Variants in SLC4A10 observed in about 807,000 individuals in gnomAD.
The protein encoded by SLC4A10 is sodium-driven chloride bicarbonate exchanger.
In SLC4A10, 42 loss-of-function variants were observed where a neutral mutation model predicts 137.7. The observed-to-expected ratio is 0.30, with a 90% CI of 0.24 to 0.39. The LOEUF is 0.39. Among genes scored for constraint, SLC4A10 ranks in the 10% least tolerant of loss-of-function variants. The pLI, the probability that SLC4A10 is intolerant of heterozygous loss-of-function variation, is 1.00. For synonymous variants in SLC4A10, 474 were observed against 464.1 expected (o/e 1.02, Z -0.27); for missense variants, 925 against 1,355.0 (o/e 0.68, Z 4.98).
intron 1 of SLC4A10, among the ~76,000 whole-genome samples, chr2:161,751,491 GA>G (rs2048974391): frequency 6.6e-6 from 1 of 151,116 alleles, no homozygotes; most frequent in Non-Finnish European, 1.5e-5. Flanking sequence ...TTTAAGCTGA[GA>G]AAAACTTAAT....
chr2:161,845,871 A>C (rs1052649305), intron 4 of SLC4A10, among the ~76,000 whole-genome samples: 1 of 152,150 alleles, frequency 6.6e-6, no homozygotes, highest in African/African-American at 2.4e-5. Flanking sequence ...AAAGCCATGA[A>C]ATTTTTAGAA....
chr2:161,668,594 A>G (rs1001847720), intron 1 of SLC4A10, among the ~76,000 whole-genome samples: 2 of 151,850 alleles, frequency 1.3e-5, no homozygotes, highest in Non-Finnish European at 3.0e-5. Flanking sequence ...TTATGATTCT[A>G]TAACATCTGG....
At chr2:161,858,374 C>T (rs1380552367) in intron 5 of SLC4A10, among the ~76,000 whole-genome samples, 1 of 152,048 alleles carries the variant, frequency 6.6e-6, no homozygotes, top group African/African-American at 2.4e-5. Flanking sequence ...GACTTAGTAG[C>T]AGAAAATCCC....
At chr2:161,789,778 G>A (rs2054014436) in intron 2 of SLC4A10, among the ~76,000 whole-genome samples, 1 of 152,132 alleles carries the variant, frequency 6.6e-6, no homozygotes, top group Non-Finnish European at 1.5e-5. Context: ...GGGCTTTGAA[G>A]GATAAATAGG....
At chr2:161,965,839 C>T (rs34147598) in intron 23 of SLC4A10, among the ~76,000 whole-genome samples, 3,299 of 152,004 alleles carry the variant, frequency 0.022, 58 homozygotes, top group South Asian at 0.059. Flanking sequence ...TTTGAAAGCA[C>T]TTAATCAACA....
intron 1 of SLC4A10, among the ~76,000 whole-genome samples, chr2:161,655,016 T>C (rs2037313267): frequency 6.6e-6 from 1 of 152,176 alleles, no homozygotes; most frequent in Non-Finnish European, 1.5e-5. Flanking sequence ...ACACAGGATA[T>C]CTTTCCATTT....
At position 161,863,043 on chromosome 2, in the gene SLC4A10, A is replaced by C. The variant is rs2125890947; in HGVS notation, c.747A>C (p.Pro249=). 6.2e-7 allele frequency: 1 copy of C among 1,613,906 alleles called. No individual in the cohort carries two copies. The highest frequency in any genetic ancestry group is 2.2e-5 in the East Asian group (1 of 44,870). ...ATATTGGCAAGAAACAGTCAGAACC[A>C]AATTCCATGGACAAAAATGGTAAAT... ...FADIGKKQSE[P]NSMDKNAGQV... is the part of the protein sequence containing the mutation. The change falls in exon 6 of 27, where the codon CCA becomes CCC. Residue 249 remains proline, a synonymous_variant. Coordinates refer to ENST00000446997, the MANE Select transcript of SLC4A10 (RefSeq NM_001178015.2).
intron 19 of SLC4A10, among the ~76,000 whole-genome samples, chr2:161,952,435 C>A (rs1367609806): frequency 6.6e-6 from 1 of 152,172 alleles, no homozygotes; most frequent in Non-Finnish European, 1.5e-5. Flanking sequence ...GTGGTCCTTT[C>A]AAGTACTTGC....
chr2:161,913,380 A>G (rs549402683), intron 15 of SLC4A10, among the ~76,000 whole-genome samples: 3 of 152,280 alleles, frequency 2.0e-5, no homozygotes, highest in Admixed American at 2.0e-4. Flanking sequence ...GGCTTTTTAT[A>G]TCCTTAATAA....
chr2:161,837,325 T>C (rs2058882150), intron 3 of SLC4A10, among the ~76,000 whole-genome samples: 1 of 152,004 alleles, frequency 6.6e-6, no homozygotes, highest in Non-Finnish European at 1.5e-5. Context: ...GGAAACAAAT[T>C]AAAAAATATA....
intron 21 of SLC4A10, among the ~76,000 whole-genome samples, chr2:161,959,061 T>G (rs1696159223): frequency 6.6e-6 from 1 of 152,098 alleles, no homozygotes; most frequent in South Asian, 2.1e-4. Flanking sequence ...ATGGCAAAAA[T>G]GCTTACAACA....
intron 10 of SLC4A10, among the ~76,000 whole-genome samples, chr2:161,893,065 G>A (rs1195939681): frequency 2.0e-5 from 3 of 151,878 alleles, no homozygotes; most frequent in Admixed American, 6.6e-5. Flanking sequence ...CACTAAACCA[G>A]AAAAAAAGCA....
At chr2:161,832,422 G>C (rs72879239) in intron 3 of SLC4A10, among the ~76,000 whole-genome samples, 212 of 152,294 alleles carry the variant, frequency 1.4e-3, no homozygotes, top group Non-Finnish European at 2.6e-3. Flanking sequence ...AAGGATGATG[G>C]CCTCACAGCT....
intron 1 of SLC4A10, among the ~76,000 whole-genome samples, chr2:161,740,886 T>A (rs2053955089): frequency 6.6e-6 from 1 of 152,178 alleles, no homozygotes; most frequent in African/African-American, 2.4e-5. Flanking sequence ...TATTAAGATG[T>A]TTTAATATAC....
chr2:161,929,138 CA>C (rs1269938660), intron 15 of SLC4A10, among the ~76,000 whole-genome samples: 2 of 149,340 alleles, frequency 1.3e-5, no homozygotes, highest in Admixed American at 6.7e-5. Flanking sequence ...TGTTAGCAAC[CA>C]AAAAAAAAGG....
chr2:161,704,363 T>G (rs2043431856), intron 1 of SLC4A10, among the ~76,000 whole-genome samples: 2 of 151,638 alleles, frequency 1.3e-5, no homozygotes, highest in Admixed American at 1.3e-4. Flanking sequence ...TTTTCAAAGT[T>G]TAGTCAATGA....
At chr2:161,947,483 A>G (rs1477995349) in intron 16 of SLC4A10, 83 bp from the exon 17 acceptor site, 7 of 1,387,676 alleles carry the variant, frequency 5.0e-6, no homozygotes, top group Non-Finnish European at 6.8e-6. Flanking sequence ...CTGAACTACA[A>G]TTGATCAGAA....
intron 4 of SLC4A10, among the ~76,000 whole-genome samples, chr2:161,854,077 A>C (rs2059972375): frequency 6.6e-6 from 1 of 152,144 alleles, no homozygotes; most frequent in Admixed American, 6.6e-5. Flanking sequence ...TGGGGTCAAA[A>C]ATGACTAAGG....
At chr2:161,670,938 C>A (rs1007331559) in intron 1 of SLC4A10, among the ~76,000 whole-genome samples, 5 of 152,050 alleles carry the variant, frequency 3.3e-5, no homozygotes, top group Non-Finnish European at 5.9e-5. Context: ...ATGTATGCTC[C>A]TCCTGAGTGT....
Sources: allele counts gnomAD v4.1 joint callset (sites outside exome capture counted in the v4.1 genomes callset), GRCh38; gene constraint gnomAD v4.1.1; transcripts MANE v1.5; gene names NCBI Gene and HGNC (gene_info 2026-07-23, HGNC 2026-07-21).